FBXO6: variants seen among roughly 807,000 people sequenced by gnomAD.
The protein encoded by FBXO6 is F-box protein 6, also known as F-box only protein 6.
FBXO6 carries 13 observed loss-of-function variants against 25.0 expected under a neutral mutation model. The observed-to-expected ratio is 0.52, with a 90% CI of 0.34 to 0.83. FBXO6 has a LOEUF of 0.83. Ranked by LOEUF, FBXO6 falls within the 40% of genes least tolerant of loss-of-function variation. The pLI is 0.02. For synonymous variants in FBXO6, 138 were observed against 155.3 expected (o/e 0.89, Z 0.83); for missense variants, 370 against 380.2 (o/e 0.97, Z 0.22).
At position 11,669,677 on chromosome 1, in the gene FBXO6, C is replaced by T. The variant is rs117521087; in HGVS notation, c.286+733C>T. 3.2e-3 allele frequency among the ~76,000 whole-genome samples: 219 copies of T among 69,130 alleles called. 1 individual carries two copies. Among genetic ancestry groups the T allele is most frequent in the African/African-American group, 0.016 (147 of 9,110 alleles). 45.4% of individuals were successfully genotyped at this position (69,130 alleles called of 152,430 possible). On this transcript the variant is annotated intron_variant, in intron 2 of 5. Transcript: ENST00000376753. ...ATACATATACACATGTATATATGTA[C>T]ACATATATACGTATATATACATATG... is the stretch of plus-strand genomic sequence containing the variant.
At chr1:11,668,634 A>T in intron 1 of FBXO6, 22 bp from the exon 2 acceptor site, 1 of 1,602,988 alleles carries the variant, frequency 6.2e-7, no homozygotes, top group South Asian at 1.1e-5. Context: ...GGTCAGGCTC[A>T]TAACTGCTGT....
chr1:11,673,803 G>A lies in FBXO6; in HGVS notation c.834G>A (p.Gln278=), dbSNP rs143687287. 1.4e-5 allele frequency: 23 copies of A among 1,613,994 alleles called. No individual in the cohort carries two copies. The African/African-American group carries it at 1.6e-4, about 11-fold the overall frequency. Reference sequence around the variant, plus strand: ...CTCAGCCTGGGCAGAAGCATGGACAGGAGGAGGCTGCCCAATCGCCCTACC... The same window carrying A: ...CTCAGCCTGGGCAGAAGCATGGACAAGAGGAGGCTGCCCAATCGCCCTACC... ...SEAQPGQKHG[Q]EEAAQSPYRA... The change falls in exon 6 of 6, where the codon CAG becomes CAA. Residue 278 remains glutamine, a synonymous_variant. Transcript: ENST00000376753. The surrounding 1 kb of genome is among the most constrained non-coding windows in gnomAD (Gnocchi z 4.3).
chr1:11,670,615 T>C (rs1351476203), intron 2 of FBXO6, among the ~76,000 whole-genome samples: 2 of 132,016 alleles, frequency 1.5e-5, no homozygotes, highest in Admixed American at 1.6e-4. Context: ...TTTTAAAAAA[T>C]TATTTTACTT....
Position 11,668,948 on chromosome 1 carries a change from G to C in FBXO6, c.286+4G>C. On this transcript the variant is annotated splice_donor_region_variant and intron_variant, in intron 2 of 5. Transcript: ENST00000376753. ...CTGCGCAACCCGTGTGCTGAAGGTG[G>C]CATGGGGGCAGGGTGGAGGCTGCCA... The C allele has an allele frequency of 6.2e-7, 1 of 1,612,610 alleles. No homozygotes were observed. The highest frequency in any genetic ancestry group is 8.5e-7 in the Non-Finnish European group (1 of 1,178,838).
At chr1:11,670,410 C>G (rs949521118) in intron 2 of FBXO6, among the ~76,000 whole-genome samples, 1 of 152,006 alleles carries the variant, frequency 6.6e-6, no homozygotes, top group Non-Finnish European at 1.5e-5. Flanking sequence ...CCACTTGGCA[C>G]TCTTGCCCTG....
chr1:11,668,966 G>C (rs1183126299), intron 2 of FBXO6, 22 bp downstream of exon 2: 1 of 1,609,088 alleles, frequency 6.2e-7, no homozygotes, highest in Non-Finnish European at 8.5e-7. Context: ...GCAGGGTGGA[G>C]GCTGCCACCA....
chr1:11,666,721 T>C (rs1455826151), intron 1 of FBXO6, among the ~76,000 whole-genome samples: 1 of 152,158 alleles, frequency 6.6e-6, no homozygotes, highest in African/African-American at 2.4e-5. Flanking sequence ...CCTCACCTGT[T>C]TTCTCTGCCA....
intron 1 of FBXO6, among the ~76,000 whole-genome samples, chr1:11,665,560 T>TTTTTTC (rs1640406175): frequency 1.2e-5 from 1 of 84,264 alleles, no homozygotes; most frequent in Non-Finnish European, 2.2e-5. Context: ...CGGCCTTTTT[T>TTTTTTC]TTTTTTTTTT....
chr1:11,672,158 C>A, intron 4 of FBXO6, 135 bp downstream of exon 4: 1 of 739,396 alleles, frequency 1.4e-6, no homozygotes, highest in East Asian at 2.7e-5. Context: ...CGGCCTCCGC[C>A]CCTGCTCTGC....
In FBXO6 at chr1:11,671,335, C is replaced by G; in HGVS notation, c.356C>G (p.Ala119Gly). 1 of 1,614,068 alleles carries G rather than the reference C, an allele frequency of 6.2e-7. No homozygotes were observed. The highest frequency in any genetic ancestry group is 8.5e-7 in the Non-Finnish European group (1 of 1,179,970). The change falls in exon 3 of 6, where the codon GCC becomes GGC. Residue 119 changes from alanine to glycine, a missense_variant. Coordinates refer to ENST00000376753, the MANE Select transcript of FBXO6 (RefSeq NM_018438.6). ...TGGAAGGTGGAGAGCCTCCCTGGAG[C>G]CCACGGGACAGATTTTCCTGACCCC... ...DRWKVESLPGAHGTDFPDPKV... is the reference protein window; with the variant it reads ...DRWKVESLPGGHGTDFPDPKV...
Position 11,668,941 on chromosome 1 carries a change from G to A in FBXO6, c.283G>A (p.Glu95Lys), listed in dbSNP as rs770700949. Reference protein sequence around the residue: ...HRNLLRNPCAEEDMFAWQIDF... With the variant: ...HRNLLRNPCAKEDMFAWQIDF... The stretch of plus-strand genomic sequence containing the variant: ...GAACCTCCTGCGCAACCCGTGTGCT[G>A]AAGGTGGCATGGGGGCAGGGTGGAG... Residue 95 changes from glutamate (E) to lysine (K), a missense_variant, in exon 2 of 6, where the codon GAA becomes AAA. Coordinates refer to ENST00000376753, the MANE Select transcript of FBXO6 (RefSeq NM_018438.6). 2 of 1,613,118 alleles carry A rather than the reference G, an allele frequency of 1.2e-6. No individual in the cohort carries two copies. The highest frequency in any genetic ancestry group is 1.7e-6 in the Non-Finnish European group (2 of 1,179,182).
chr1:11,670,569 G>C (rs1022249122), intron 2 of FBXO6, among the ~76,000 whole-genome samples: 5 of 148,992 alleles, frequency 3.4e-5, no homozygotes, highest in Admixed American at 6.7e-5. Flanking sequence ...TCTGGGTCAA[G>C]TAAGCAGTCT....
At chr1:11,670,882 G>A (rs1382324897) in intron 2 of FBXO6, among the ~76,000 whole-genome samples, 2 of 152,230 alleles carry the variant, frequency 1.3e-5, no homozygotes, top group African/African-American at 4.8e-5. Flanking sequence ...TAGAATTTCT[G>A]GTAACACGCA....
intron 4 of FBXO6, among the ~76,000 whole-genome samples, chr1:11,672,433 C>G (rs1313233055): frequency 6.6e-6 from 1 of 150,988 alleles, no homozygotes; most frequent in Non-Finnish European, 1.5e-5. Flanking sequence ...ATTACAGGTG[C>G]CCACCACTAC....
chr1:11,665,584 A>G (rs570524215), intron 1 of FBXO6, among the ~76,000 whole-genome samples: 577 of 15,572 alleles, frequency 0.037, 4 homozygotes, highest in Non-Finnish European at 0.044. Flanking sequence ...TTTTTGAGAC[A>G]GATTCTCACT....
chr1:11,671,774 T>C (rs927907740), intron 3 of FBXO6, among the ~76,000 whole-genome samples, 154 bp from the exon 4 acceptor site: 7 of 151,930 alleles, frequency 4.6e-5, no homozygotes, highest in African/African-American at 1.7e-4. Context: ...AAAGCCAGAG[T>C]CAGCCCCAGC....
rs745782671 is a variant in FBXO6 at position 11,673,902 on chromosome 1, C to A, written c.*51C>A. On this transcript the variant is annotated 3_prime_UTR_variant, in exon 6 of 6. Transcript: ENST00000376753. This position sits in a 1 kb window ranked among gnomAD's most constrained non-coding sequence, Gnocchi z 4.3. Reference sequence around the variant, plus strand: ...AGCCAGAGGTTCCTCCAGGCAGGAGCTGAGCATGGGGTGGGCAGTGAGGTC... The same window carrying A: ...AGCCAGAGGTTCCTCCAGGCAGGAGATGAGCATGGGGTGGGCAGTGAGGTC... 11 of 1,562,068 alleles carry A rather than the reference C, an allele frequency of 7.0e-6. No individual in the cohort carries two copies. The highest frequency in any genetic ancestry group is 6.7e-5 in the Admixed American group (4 of 59,766).
intron 2 of FBXO6, among the ~76,000 whole-genome samples, chr1:11,670,846 A>G (rs985174366): frequency 6.6e-6 from 1 of 152,188 alleles, no homozygotes; most frequent in Non-Finnish European, 1.5e-5. Flanking sequence ...TTCCACCGCA[A>G]CATGGAAGTG....
chr1:11,668,311 C>G (rs1367176319), intron 1 of FBXO6, among the ~76,000 whole-genome samples: 6 of 151,572 alleles, frequency 4.0e-5, no homozygotes, highest in Non-Finnish European at 8.8e-5. Flanking sequence ...GTATTGCACT[C>G]TTCTGAATGT....
Sources: allele counts gnomAD v4.1 joint callset (sites outside exome capture counted in the v4.1 genomes callset), GRCh38; gene constraint gnomAD v4.1.1; non-coding constraint Gnocchi (gnomAD v3.1); transcripts MANE v1.5; gene names NCBI Gene and HGNC (gene_info 2026-07-23, HGNC 2026-07-21).